CSGALNACT1: variants seen among roughly 807,000 people sequenced by gnomAD.
The protein encoded by CSGALNACT1 is chondroitin sulfate N-acetylgalactosaminyltransferase 1.
In CSGALNACT1, 52 loss-of-function variants were observed where a neutral mutation model predicts 51.0. The observed-to-expected ratio is 1.02, with a 90% CI of 0.82 to 1.29. The LOEUF is 1.29. Ranked by LOEUF, CSGALNACT1 falls within the 50% of genes most tolerant of loss-of-function variation. The pLI, the probability that CSGALNACT1 is intolerant of heterozygous loss-of-function variation, is 0.00. For missense variants in CSGALNACT1, 935 were observed against 679.2 expected (o/e 1.38, Z -4.19); for synonymous variants, 341 against 254.4 (o/e 1.34, Z -3.24).
intron 1 of CSGALNACT1, among the ~76,000 whole-genome samples, chr8:19,627,136 C>G (rs28840804): frequency 6.6e-6 from 1 of 152,232 alleles, no homozygotes; most frequent in South Asian, 2.1e-4. Context: ...AGCCAAGAAA[C>G]TGACACCAAC....
chr8:19,410,780 T>C (rs1254976451), intron 8 of CSGALNACT1, among the ~76,000 whole-genome samples: 1 of 152,214 alleles, frequency 6.6e-6, no homozygotes, highest in African/African-American at 2.4e-5. Flanking sequence ...AAAGCCACTA[T>C]CTGAAGAGCT....
intron 2 of CSGALNACT1, among the ~76,000 whole-genome samples, chr8:19,591,668 T>C (rs930635970): frequency 6.6e-6 from 1 of 152,062 alleles, no homozygotes; most frequent in Non-Finnish European, 1.5e-5. Flanking sequence ...CTCAAACCTG[T>C]AGTCCAGCAC....
At chr8:19,411,764 G>C (rs139142456) in intron 8 of CSGALNACT1, among the ~76,000 whole-genome samples, 61 of 152,002 alleles carry the variant, frequency 4.0e-4, no homozygotes, top group African/African-American at 1.4e-3. Context: ...ATAAAGAGGA[G>C]ACTTTAAAAG....
chr8:19,404,830 A>C (rs940768027), exon 10 of CSGALNACT1: 1 of 454,418 alleles, frequency 2.2e-6, no homozygotes, highest in Middle Eastern at 6.8e-4. Context: ...TGTAAAGCAG[A>C]AAGTGTCATT....
chr8:19,505,098 T>C, intron 4 of CSGALNACT1, 103 bp downstream of exon 3: 1 of 1,312,812 alleles, frequency 7.6e-7, no homozygotes. Context: ...CCGCCAGCCA[T>C]CCCAGAGCCA....
chr8:19,610,342 T>A (rs1046668555), intron 1 of CSGALNACT1, among the ~76,000 whole-genome samples: 4 of 131,512 alleles, frequency 3.0e-5, no homozygotes, highest in Non-Finnish European at 6.4e-5. Flanking sequence ...AAGTGCTGGG[T>A]AGAGGTGAAG....
chr8:19,630,188 ACG>A (rs1442089092), intron 1 of CSGALNACT1, among the ~76,000 whole-genome samples: 26 of 134,554 alleles, frequency 1.9e-4, no homozygotes, highest in African/African-American at 7.3e-4. Context: ...CCAAGTTCCC[ACG>A]TCTCTGTGTG....
chr8:19,639,902 G>C (rs1361245072), intron 1 of CSGALNACT1, among the ~76,000 whole-genome samples: 2 of 150,462 alleles, frequency 1.3e-5, no homozygotes, highest in Non-Finnish European at 2.9e-5. Context: ...TTTTTTTAAT[G>C]AGACAGTTTC....
At chr8:19,736,153 G>A (rs904910358) in intron 1 of CSGALNACT1, among the ~76,000 whole-genome samples, 1 of 152,196 alleles carries the variant, frequency 6.6e-6, no homozygotes, top group Non-Finnish European at 1.5e-5. Context: ...TGTGTGCACA[G>A]CAAATGTTTT....
intron 3 of CSGALNACT1, among the ~76,000 whole-genome samples, chr8:19,546,297 G>C (rs1052415804): frequency 1.3e-5 from 2 of 152,104 alleles, no homozygotes; most frequent in Non-Finnish European, 2.9e-5. Flanking sequence ...TATATGCCTA[G>C]AGGGCTGTGC....
chr8:19,669,616 C>A (rs1006087375), intron 1 of CSGALNACT1, among the ~76,000 whole-genome samples: 12 of 151,962 alleles, frequency 7.9e-5, no homozygotes, highest in Non-Finnish European at 1.8e-4. Context: ...CCATGCCTGG[C>A]CAGTTTTTTG....
intron 1 of CSGALNACT1, among the ~76,000 whole-genome samples, chr8:19,621,275 G>C (rs543533397): frequency 1.4e-4 from 21 of 151,368 alleles, no homozygotes; most frequent in Admixed American, 4.6e-4. Context: ...ATTGATGAGG[G>C]GAAAAAAAAC....
chr8:19,552,397 G>A (rs186852744), intron 3 of CSGALNACT1, among the ~76,000 whole-genome samples: 2 of 152,206 alleles, frequency 1.3e-5, no homozygotes, highest in South Asian at 4.1e-4. Context: ...ACTCCTTAAA[G>A]GTAAAATGCT....
At chr8:19,430,525 G>A (rs2059496970) in intron 6 of CSGALNACT1, among the ~76,000 whole-genome samples, 1 of 152,140 alleles carries the variant, frequency 6.6e-6, no homozygotes, top group Admixed American at 6.5e-5. Flanking sequence ...GACCATAAAT[G>A]TATAGGTTTA....
rs35759799 is a variant in CSGALNACT1 at position 19,507,528 on chromosome 8, G to GAAAAAAAAA, written c.-296-1407_-296-1399dup. ...TGTCTTCCCCTACCCATCTTAGCCA[G>GAAAAAAAAA]AAAAAAAAAAAAAAAAAAAAAAAAG... On this transcript the variant is annotated intron_variant, in intron 3 of 9. Coordinates refer to ENST00000454498, the Ensembl canonical transcript of CSGALNACT1. 2.1e-3 allele frequency among the ~76,000 whole-genome samples: 159 copies of GAAAAAAAAA among 74,858 alleles called. 11 individuals carry two copies. The highest frequency in any genetic ancestry group is 0.01 in the Middle Eastern group (1 of 96). The allele number at this position is 74,858 out of a possible 152,430, so 49.1% of individuals were successfully genotyped here.
In CSGALNACT1 at chr8:19,506,001, C is replaced by T; in HGVS notation, c.-167G>A. ...TTCTGCCTCTTGGAGTTAACCACCA[C>T]ACAGAGCAGCTTCTCTACTTTTAAA... is the stretch of plus-strand genomic sequence containing the variant. On this transcript the variant is annotated 5_prime_UTR_variant, in exon 4 of 10. In the 5' UTR this introduces an upstream ATG that the reference lacks. Coordinates refer to ENST00000454498, the Ensembl canonical transcript of CSGALNACT1. The T allele has an allele frequency of 1.3e-6, 1 of 746,346 alleles. No individual in the cohort carries two copies. The highest frequency in any genetic ancestry group is 3.5e-4 in the Middle Eastern group (1 of 2,898). The allele number at this position is 746,346 out of a possible 1,614,324, so 46.2% of individuals were successfully genotyped here.
chr8:19,452,134 A>C (rs188228648), intron 5 of CSGALNACT1, among the ~76,000 whole-genome samples: 1 of 152,344 alleles, frequency 6.6e-6, no homozygotes, highest in East Asian at 1.9e-4. Context: ...AGACCAAGGA[A>C]AGAAATGGAA....
At chr8:19,591,340 C>G (rs542450053) in intron 2 of CSGALNACT1, 4 of 152,254 alleles carry the variant, frequency 2.6e-5, no homozygotes, top group South Asian at 2.1e-4. Context: ...AGTCTATAAG[C>G]TAAAGACCAA....
chr8:19,694,418 C>A (rs1049096836), intron 1 of CSGALNACT1, among the ~76,000 whole-genome samples: 1 of 152,200 alleles, frequency 6.6e-6, no homozygotes, highest in Non-Finnish European at 1.5e-5. Context: ...AACAACCAAC[C>A]TTAGAAAGCT....
Sources: gnomAD v4.1 joint callset for allele counts (sites outside exome capture counted in the v4.1 genomes callset) on GRCh38, gnomAD v4.1.1 for gene constraint, MANE v1.5 for transcripts, NCBI Gene and HGNC (gene_info 2026-07-23, HGNC 2026-07-21) for gene names.